IMPACT: variants seen among roughly 807,000 people sequenced by gnomAD.
IMPACT encodes impact RWD domain protein.
Under a neutral mutation model 47.5 loss-of-function variants are expected in IMPACT, and 35 were observed. The observed-to-expected ratio is 0.74, with a 90% CI of 0.56 to 0.98. The LOEUF is 0.98. Among genes scored for constraint, IMPACT ranks in the 50% least tolerant of loss-of-function variants. The pLI is 0.00. For missense variants in IMPACT, 373 were observed against 394.8 expected (o/e 0.94, Z 0.47); for synonymous variants, 118 against 125.6 (o/e 0.94, Z 0.40).
rs1490721275 is a variant in IMPACT at position 24,453,425 on chromosome 18, A to G, written c.*2578A>G. ...TGTATATATGGTTATTTTTCTTTCC[A>G]TAAAAATGGTATTAAACTGTATATA... On this transcript the variant is annotated 3_prime_UTR_variant, in exon 11 of 11. Transcript: ENST00000284202. 6.6e-6 allele frequency: 1 copy of G among 152,084 alleles called. No individual in the cohort carries two copies. Among genetic ancestry groups the G allele is most frequent in the Admixed American group, 6.5e-5 (1 of 15,268 alleles). The allele number at this position is 152,084 out of a possible 1,614,324, so 9.4% of individuals were successfully genotyped here.
Position 24,450,770 on chromosome 18 carries a change from C to A in IMPACT, c.895-9C>A. 6.3e-7 allele frequency: 1 copy of A among 1,597,460 alleles called. No homozygotes were observed. Among genetic ancestry groups the A allele is most frequent in the Non-Finnish European group, 8.6e-7 (1 of 1,166,616 alleles). ...GGAGAGATGCTGCACTGATTTGTGT[C>A]TTTTTCAGGAGGAGTCATCTAAGGC... On this transcript the variant is annotated splice_polypyrimidine_tract_variant and intron_variant, in intron 10 of 10. Coordinates refer to ENST00000284202, the MANE Select transcript of IMPACT (RefSeq NM_018439.4).
chr18:24,448,623 G>T (rs1051580154), intron 9 of IMPACT, among the ~76,000 whole-genome samples: 2 of 151,362 alleles, frequency 1.3e-5, no homozygotes, highest in Admixed American at 1.3e-4. Flanking sequence ...CAAAATTTCT[G>T]TTGAATTTGA....
intron 4 of IMPACT, among the ~76,000 whole-genome samples, chr18:24,436,074 T>C (rs1908931148): frequency 6.6e-6 from 1 of 152,150 alleles, no homozygotes; most frequent in African/African-American, 2.4e-5. Flanking sequence ...GAGTCAGGAA[T>C]GGGCCCATAT....
intron 7 of IMPACT, among the ~76,000 whole-genome samples, chr18:24,443,577 G>T (rs943517113): frequency 6.6e-6 from 1 of 152,210 alleles, no homozygotes; most frequent in Admixed American, 6.5e-5. Flanking sequence ...AGAAAATTAT[G>T]ATGCTTAATA....
At chr18:24,429,445 C>T (rs1908695838) in intron 3 of IMPACT, 1 of 152,436 alleles carries the variant, frequency 6.6e-6, no homozygotes, top group African/African-American at 2.4e-5. Context: ...GCCCCATCAC[C>T]TAGTAATATG....
intron 8 of IMPACT, among the ~76,000 whole-genome samples, chr18:24,446,163 A>G (rs1909244521): frequency 6.6e-6 from 1 of 152,004 alleles, no homozygotes; most frequent in Non-Finnish European, 1.5e-5. Flanking sequence ...TCTTGGCCCA[A>G]GCAATCCTCC....
At chr18:24,446,345 G>A (rs117104118) in intron 8 of IMPACT, among the ~76,000 whole-genome samples, 2 of 152,180 alleles carry the variant, frequency 1.3e-5, no homozygotes, top group East Asian at 1.9e-4. Flanking sequence ...GGATTTACAG[G>A]TGTGAGCCCA....
chr18:24,439,006 G>A (rs1909021364), intron 5 of IMPACT, among the ~76,000 whole-genome samples: 1 of 152,130 alleles, frequency 6.6e-6, no homozygotes, highest in African/African-American at 2.4e-5. Flanking sequence ...GGATAGGCTG[G>A]CAGGCTGGGG....
intron 7 of IMPACT, among the ~76,000 whole-genome samples, chr18:24,443,643 C>T (rs184888810): frequency 6.6e-6 from 1 of 152,282 alleles, no homozygotes; most frequent in Non-Finnish European, 1.5e-5. Context: ...AAACTAAGTC[C>T]ATTCCTCTGT....
At position 24,452,581 on chromosome 18, in the gene IMPACT, T is replaced by A. The variant is rs922203094; in HGVS notation, c.*1734T>A. ...CTAAAAAACTCTAGTATTCTTTACCTAAAGTCAATTGGCTGGTAAGAGGGA... is the reference window on the plus strand; with the variant it reads ...CTAAAAAACTCTAGTATTCTTTACCAAAAGTCAATTGGCTGGTAAGAGGGA... On this transcript the variant is annotated 3_prime_UTR_variant, in exon 11 of 11. Transcript: ENST00000284202. 3 of 152,128 alleles carry A rather than the reference T, an allele frequency of 2.0e-5. No homozygotes were observed. Among genetic ancestry groups the A allele is most frequent in the Non-Finnish European group, 4.4e-5 (3 of 68,006 alleles). The allele number at this position is 152,128 out of a possible 1,614,324, so 9.4% of individuals were successfully genotyped here. A position where few individuals can be genotyped will look rare whatever the true frequency, so the allele number is the denominator to read the frequency against.
At chr18:24,440,705 A>G in intron 6 of IMPACT, 87 bp downstream of exon 6, 1 of 1,218,990 alleles carries the variant, frequency 8.2e-7, no homozygotes, top group Non-Finnish European at 1.1e-6. Flanking sequence ...AAATTTACTA[A>G]TTTTCTCCAG....
At chr18:24,428,555 G>A (rs1327539211) in intron 2 of IMPACT, among the ~76,000 whole-genome samples, 1 of 152,184 alleles carries the variant, frequency 6.6e-6, no homozygotes, top group African/African-American at 2.4e-5. Flanking sequence ...ATGCAAAACA[G>A]TTTTTGCCAG....
intron 4 of IMPACT, among the ~76,000 whole-genome samples, 168 bp from the exon 5 acceptor site, chr18:24,437,787 A>G (rs531354042): frequency 1.3e-5 from 2 of 152,310 alleles, no homozygotes; most frequent in African/African-American, 4.8e-5. Context: ...ACCTGTATTA[A>G]CTACTCAGAC....
Position 24,451,517 on chromosome 18 carries a change from T to G in IMPACT, c.*670T>G, listed in dbSNP as rs1909384812. The G allele has an allele frequency of 6.6e-6, 1 of 152,242 alleles. No homozygotes were observed. The highest frequency in any genetic ancestry group is 2.1e-4 in the South Asian group (1 of 4,836). The allele number at this position is 152,242 out of a possible 1,614,324, so 9.4% of individuals were successfully genotyped here. ...ATTGTGAAATTACAGAAAGTGATTT[T>G]CTAGTCTGCTTTTTTTGTTTAATTC... is the stretch of plus-strand genomic sequence containing the variant. On this transcript the variant is annotated 3_prime_UTR_variant, in exon 11 of 11. Coordinates refer to ENST00000284202, the MANE Select transcript of IMPACT (RefSeq NM_018439.4).
chr18:24,427,769 T>A, intron 1 of IMPACT, 150 bp from the exon 2 acceptor site: 1 of 657,428 alleles, frequency 1.5e-6, no homozygotes, highest in African/African-American at 1.9e-5. Context: ...CATGGTGACC[T>A]GCTCTTAAGA....
chr18:24,445,564 CATTGTAATAGT>C (rs1224574376), intron 8 of IMPACT, 98 bp downstream of exon 8: 2 of 655,082 alleles, frequency 3.1e-6, no homozygotes, highest in Non-Finnish European at 2.5e-6. Flanking sequence ...GTATTTTTTC[CATTGTAATAGT>C]AATAGACATG....
chr18:24,438,182 G>T, intron 5 of IMPACT, 142 bp downstream of exon 5: 1 of 521,284 alleles, frequency 1.9e-6, no homozygotes, highest in Non-Finnish European at 3.4e-6. Context: ...TCTCTGAAAA[G>T]TTTAATTGCT....
intron 4 of IMPACT, chr18:24,435,586 G>T (rs1276567508): frequency 1.3e-5 from 2 of 152,200 alleles, no homozygotes; most frequent in Non-Finnish European, 2.9e-5. Context: ...AAGTCAAACA[G>T]ACAAGGAAGA....
At chr18:24,435,337 A>G (rs1205696001) in intron 4 of IMPACT, 6 of 152,234 alleles carry the variant, frequency 3.9e-5, no homozygotes, top group East Asian at 1.9e-4. Flanking sequence ...TTGATAAAAC[A>G]AAAAGTAAAT....
Sources: allele counts gnomAD v4.1 joint callset (sites outside exome capture counted in the v4.1 genomes callset), GRCh38; gene constraint gnomAD v4.1.1; transcripts MANE v1.5; gene names NCBI Gene and HGNC (gene_info 2026-07-23, HGNC 2026-07-21).